Variants in NLRP13 observed in about 807,000 individuals in gnomAD.
NLRP13 encodes the protein NACHT, LRR and PYD domains-containing protein 13.
NLRP13 carries 82 observed loss-of-function variants against 94.4 expected under a neutral mutation model. That is an observed-to-expected ratio of 0.87 (90% CI 0.73 to 1.04). The LOEUF is 1.04. Ranked by LOEUF, NLRP13 falls within the 50% of genes least tolerant of loss-of-function variation. NLRP13 has a pLI of 0.00. For missense variants in NLRP13, 1,426 were observed against 1,230.8 expected (o/e 1.16, Z -2.37); for synonymous variants, 553 against 464.7 (o/e 1.19, Z -2.45).
intron 5 of NLRP13, 100 bp downstream of exon 5, chr19:55,911,606 A>G (rs78203968): frequency 0.037 from 42,783 of 1,145,020 alleles, 2,815 homozygotes; most frequent in East Asian, 0.3. Flanking sequence ...ATAAGCACGA[A>G]TACATAACGA....
chr19:55,894,924 C>T (rs1056708923), downstream of NLRP13, among the ~76,000 whole-genome samples: 6 of 152,114 alleles, frequency 3.9e-5, no homozygotes, highest in African/African-American at 9.7e-5. Flanking sequence ...TAGTCATTAG[C>T]GACATGTGGC....
At chr19:55,919,284 G>C (rs1367183610) in intron 4 of NLRP13, among the ~76,000 whole-genome samples, 1 of 152,066 alleles carries the variant, frequency 6.6e-6, no homozygotes, top group African/African-American at 2.4e-5. Flanking sequence ...GGAAACAGTT[G>C]AAAGCATTCT....
chr19:55,912,362 A>G lies in NLRP13; in HGVS notation c.1455T>C (p.Ser485=), dbSNP rs303999. ...SWPGQWRALC[S]LAIEGLWSMN... is the part of the protein sequence containing the mutation. ...TAGACCACAGCCCTTCTATGGCCAG[A>G]CTGCAGAGGGCCCTCCATTGTCCTG... is the stretch of plus-strand genomic sequence containing the variant. The change falls in exon 5 of 11, where the codon AGT becomes AGC. Residue 485 remains serine (S), a synonymous_variant. Coordinates refer to ENST00000342929, the MANE Select transcript of NLRP13 (RefSeq NM_176810.2). The G allele has an allele frequency of 0.61, 982,632 of 1,612,828 alleles. 301,519 individuals carry two copies. The highest frequency in any genetic ancestry group is 0.72 in the African/African-American group (53,854 of 74,928).
rs552844050 is a variant in NLRP13, at chr19:55,903,200, A to C, written c.2619-995T>G. Among the ~76,000 whole-genome samples the C allele has an allele frequency of 1.4e-4, 22 of 152,274 alleles. No homozygotes were observed. The South Asian group carries it at 4.1e-3, about 29-fold the overall frequency. On this transcript the variant is annotated intron_variant, in intron 8 of 10. Transcript: ENST00000342929. ...GTATCATGATCATACACGTATAATT[A>C]CACACGTATGATTAACTCACATTAT...
chr19:55,912,797 TG>T lies in NLRP13; in HGVS notation c.1019del (p.Pro340GlnfsTer2). The T allele has an allele frequency of 6.2e-7, 1 of 1,614,144 alleles. No homozygotes were observed. Among genetic ancestry groups the T allele is most frequent in the Non-Finnish European group, 8.5e-7 (1 of 1,180,014 alleles). On this transcript the variant is annotated frameshift_variant, in exon 5 of 11. Transcript: ENST00000342929. LOFTEE classifies it high-confidence loss of function. ...ACAAGCTGTGTAGGATTTTGGTCACTGGGAGCTCCTGGTACCAGTCTGTACA... is the reference window on the plus strand; with the variant it reads ...ACAAGCTGTGTAGGATTTTGGTCACTGGAGCTCCTGGTACCAGTCTGTACA... Reference protein sequence around the residue: ...SPCTDWYQELPVTKILHSLLK... With the variant: ...SPCTDWYQELXVTKILHSLLK...
chr19:55,931,038 A>C (rs1325654965), intron 1 of NLRP13, among the ~76,000 whole-genome samples: 2 of 149,088 alleles, frequency 1.3e-5, no homozygotes, highest in African/African-American at 5.0e-5. Context: ...TTGCAATGCC[A>C]CAGAAGATGT....
Position 55,912,817 on chromosome 19 carries a change from CTG to C in NLRP13, c.998_999del (p.Thr333ArgfsTer39), listed in dbSNP as rs1986562966. ...SESLDDGSPC[T>X]DWYQELPVTK... ...GTCACTGGGAGCTCCTGGTACCAGTCTGTACATGGCGAGCCATCATCCAAGCT... is the reference window on the plus strand; with the variant it reads ...GTCACTGGGAGCTCCTGGTACCAGTCTACATGGCGAGCCATCATCCAAGCT... On this transcript the variant is annotated frameshift_variant, in exon 5 of 11. Coordinates refer to ENST00000342929, the MANE Select transcript of NLRP13 (RefSeq NM_176810.2). LOFTEE classifies it high-confidence loss of function. 3 of 1,614,160 alleles carry C rather than the reference CTG, an allele frequency of 1.9e-6. No homozygotes were observed. Among genetic ancestry groups the C allele is most frequent in the East Asian group, 2.2e-5 (1 of 44,872 alleles).
chr19:55,914,139 C>G (rs116168374), intron 4 of NLRP13, among the ~76,000 whole-genome samples: 5,629 of 152,296 alleles, frequency 0.037, 132 homozygotes, highest in African/African-American at 0.061. Flanking sequence ...CCATTCTCCC[C>G]ATTCCTGGGT....
chr19:55,900,583 AAC>A (rs1233990154), intron 9 of NLRP13, among the ~76,000 whole-genome samples: 1 of 149,318 alleles, frequency 6.7e-6, no homozygotes. Context: ...CATCCTGGCT[AAC>A]ATGGTGAAAC....
In NLRP13 at chr19:55,907,889, G is replaced by C. The variant is rs1986398383; in HGVS notation, c.2350C>G (p.Leu784Val). The change falls in exon 7 of 11, where the codon CTG becomes GTG. Residue 784 changes from leucine (L) to valine (V), a missense_variant. By Grantham distance (32) the Leu-to-Val change is conservative (BLOSUM62 1). Transcript: ENST00000342929. ...LIIALQGNSK[L>V]THLNFSSNKL... ...TTAGAGCTGAAGTTCAGATGGGTCA[G>C]CTTGCTGTTACCCTGAAGGGCAATA... is the stretch of plus-strand genomic sequence containing the variant. 6.2e-7 allele frequency: 1 copy of C among 1,613,590 alleles called. No homozygotes were observed. Among genetic ancestry groups the C allele is most frequent in the Admixed American group, 1.7e-5 (1 of 59,968 alleles).
downstream of NLRP13, among the ~76,000 whole-genome samples, chr19:55,895,607 C>T (rs1381683541): frequency 2.0e-5 from 3 of 152,000 alleles, no homozygotes; most frequent in Admixed American, 6.6e-5. Flanking sequence ...TGCTTAAACC[C>T]GGGAGGTGGA....
At chr19:55,908,185 A>T (rs1986408743) in intron 6 of NLRP13, among the ~76,000 whole-genome samples, 1 of 152,134 alleles carries the variant, frequency 6.6e-6, no homozygotes, top group Non-Finnish European at 1.5e-5. Flanking sequence ...GAAGTCAGGG[A>T]TCCCTCCTTC....
At chr19:55,907,104 A>G (rs1375636545) in intron 7 of NLRP13, among the ~76,000 whole-genome samples, 1 of 152,090 alleles carries the variant, frequency 6.6e-6, no homozygotes, top group Non-Finnish European at 1.5e-5. Context: ...GATTACAGGC[A>G]TGTGCCACCA....
chr19:55,924,743 C>G, intron 2 of NLRP13, 85 bp from the exon 3 acceptor site: 1 of 1,204,626 alleles, frequency 8.3e-7, no homozygotes, highest in Non-Finnish European at 1.2e-6. Flanking sequence ...GTAGAACCAA[C>G]TTTTTCTATG....
intron 1 of NLRP13, among the ~76,000 whole-genome samples, chr19:55,928,664 TAAAG>T (rs1182738798): frequency 6.6e-6 from 1 of 152,234 alleles, no homozygotes; most frequent in Non-Finnish European, 1.5e-5. Flanking sequence ...CAGGTCTCTA[TAAAG>T]AGAGATATTC....
At chr19:55,924,521 A>C (rs1986920024) in intron 3 of NLRP13, 69 bp downstream of exon 3, 1 of 1,115,978 alleles carries the variant, frequency 9.0e-7, no homozygotes, top group African/African-American at 1.5e-5. Flanking sequence ...CATAGGCAGC[A>C]AATGTGGACC....
In NLRP13 at chr19:55,913,006, G is replaced by A. The variant is rs774291227; in HGVS notation, c.811C>T (p.His271Tyr). 2 of 1,614,126 alleles carry A rather than the reference G, an allele frequency of 1.2e-6. No individual in the cohort carries two copies. The highest frequency in any genetic ancestry group is 8.5e-7 in the Non-Finnish European group (1 of 1,180,000). The change falls in exon 5 of 11, where the codon CAT becomes TAT. Residue 271 changes from histidine (H) to tyrosine (Y), a missense_variant. Physicochemically the swap from His to Tyr is moderately conservative, Grantham distance 83. Transcript: ENST00000342929. Reference sequence around the variant, plus strand: ...GTTTCCTTCATGTACCTTATTTTATGGCAGCTGAGATAGAAAACATAGGAG... The same window carrying A: ...GTTTCCTTCATGTACCTTATTTTATAGCAGCTGAGATAGAAAACATAGGAG... Reference protein sequence around the residue: ...RFSYVFYLSCHKIRYMKETTF... With the variant: ...RFSYVFYLSCYKIRYMKETTF...
intron 8 of NLRP13, among the ~76,000 whole-genome samples, chr19:55,902,553 A>G (rs981653391): frequency 2.0e-5 from 3 of 152,134 alleles, no homozygotes; most frequent in African/African-American, 7.2e-5. Flanking sequence ...GACCCTCAAC[A>G]AGCTCCCGCA....
Position 55,913,017 on chromosome 19 carries a change from T to C in NLRP13, c.800A>G (p.Tyr267Cys), listed in dbSNP as rs373711481. 1.7e-5 allele frequency: 27 copies of C among 1,614,026 alleles called. No individual in the cohort carries two copies. Among genetic ancestry groups the C allele is most frequent in the South Asian group, 1.5e-4 (14 of 91,082 alleles). ...GTACCTTATTTTATGGCAGCTGAGA[T>C]AGAAAACATAGGAGAACCTTTGCTG... ...LFQQRFSYVF[Y>C]LSCHKIRYMK... The change falls in exon 5 of 11, where the codon TAT becomes TGT. Residue 267 changes from tyrosine to cysteine, a missense_variant. By Grantham distance (194) the Tyr-to-Cys change is radical. Coordinates refer to ENST00000342929, the MANE Select transcript of NLRP13 (RefSeq NM_176810.2).
Sources: gnomAD v4.1 joint callset for allele counts (sites outside exome capture counted in the v4.1 genomes callset) on GRCh38, gnomAD v4.1.1 for gene constraint, MANE v1.5 for transcripts, NCBI Gene and HGNC (gene_info 2026-07-23, HGNC 2026-07-21) for gene names.